SETD1B: variants seen among roughly 807,000 people sequenced by gnomAD.
SETD1B encodes SET domain containing 1B, histone lysine methyltransferase.
In SETD1B, 7 loss-of-function variants were observed where a neutral mutation model predicts 148.0. The observed-to-expected ratio is 0.05, with a 90% CI of 0.03 to 0.09. SETD1B has a LOEUF of 0.09. Ranked by LOEUF, SETD1B falls within the 10% of genes least tolerant of loss-of-function variation. The pLI is 1.00. For synonymous variants in SETD1B, 1,361 were observed against 1,186.5 expected (o/e 1.15, Z -3.02); for missense variants, 2,155 against 2,729.9 (o/e 0.79, Z 4.69).
Position 121,830,318 on chromosome 12 carries a change from C to T in SETD1B, c.*79C>T, listed in dbSNP as rs1457415391. On this transcript the variant is annotated 3_prime_UTR_variant, in exon 17 of 17. Transcript: ENST00000604567. This position sits in a 1 kb window ranked among gnomAD's most constrained non-coding sequence, Gnocchi z 5.7. ...TGGAGCCCCTGGCCCCGGGGCCCGG[C>T]CCCCCGCGCCCGCCCCCATTTCAGG... is the stretch of plus-strand genomic sequence containing the variant. 3.1e-5 allele frequency: 42 copies of T among 1,356,728 alleles called. No homozygotes were observed. Among genetic ancestry groups the T allele is most frequent in the Non-Finnish European group, 4.2e-5 (42 of 1,007,070 alleles). 84.0% of individuals were successfully genotyped at this position (1,356,728 alleles called of 1,614,324 possible).
chr12:121,811,587 C>G (rs1426636047), intron 6 of SETD1B, among the ~76,000 whole-genome samples: 1 of 152,126 alleles, frequency 6.6e-6, no homozygotes, highest in Non-Finnish European at 1.5e-5. Context: ...GCCAGGTTCC[C>G]CTGGGAGGGT....
chr12:121,823,058 G>A lies in SETD1B; in HGVS notation c.4479G>A (p.Gln1493=). The A allele has an allele frequency of 6.6e-7, 1 of 1,516,192 alleles. No homozygotes were observed. The allele number at this position is 1,516,192 out of a possible 1,614,324, so 93.9% of individuals were successfully genotyped here. The change falls in exon 12 of 17, where the codon CAG becomes CAA. Residue 1493 remains glutamine (Q), a synonymous_variant. Transcript: ENST00000604567. ...CATTGCCCGCCGTCTTGCGGGCCCA[G>A]GCTCGTGCGCCCACCCCGCTGCCAC... is the stretch of plus-strand genomic sequence containing the variant. ...PLALPAVLRA[Q]ARAPTPLPPL... is the part of the protein sequence containing the mutation.
At chr12:121,803,796 ATAAAT>A (rs1294297813), upstream of SETD1B, 7 of 151,506 alleles carry the variant, frequency 4.6e-5, no homozygotes, top group African/African-American at 1.7e-4. The surrounding 1 kb of genome is among the most constrained non-coding windows in gnomAD (Gnocchi z 4.7). Flanking sequence ...AGAAAAATAA[ATAAAT>A]TAAAAGGCCT....
At chr12:121,792,581 C>A in the SETD1B span, among the ~76,000 whole-genome samples, 1 of 152,246 alleles carries the variant, frequency 6.6e-6, no homozygotes. Flanking sequence ...GTAATTGTAG[C>A]CACGCAATTC....
At position 121,831,133 on chromosome 12, in the gene SETD1B, C is replaced by T. The variant is rs1422332031; in HGVS notation, c.*894C>T. 6.6e-6 allele frequency: 1 copy of T among 152,214 alleles called. No homozygotes were observed. The highest frequency in any genetic ancestry group is 1.9e-4 in the East Asian group (1 of 5,196). 9.4% of individuals were successfully genotyped at this position (152,214 alleles called of 1,614,324 possible). A position where few individuals can be genotyped will look rare whatever the true frequency, so the allele number is the denominator to read the frequency against. On this transcript the variant is annotated 3_prime_UTR_variant, in exon 17 of 17. Coordinates refer to ENST00000604567, the MANE Select transcript of SETD1B (RefSeq NM_001353345.2). ...GGCAGCCACTCTCTTCTGCCCTTGC[C>T]TTCGCCCTGGGTGGGACAGGGCTCC...
At position 121,830,311 on chromosome 12, in the gene SETD1B, GGCCCGGCCCCCCGC is replaced by G; in HGVS notation, c.*78_*91del. On this transcript the variant is annotated 3_prime_UTR_variant, in exon 17 of 17. Transcript: ENST00000604567. This position sits in a 1 kb window ranked among gnomAD's most constrained non-coding sequence, Gnocchi z 5.7. ...CCGAGCGTGGAGCCCCTGGCCCCGGGGCCCGGCCCCCCGCGCCCGCCCCCATTTCAGGTGCTGTC... is the reference window on the plus strand; with the variant it reads ...CCGAGCGTGGAGCCCCTGGCCCCGGGGCCCGCCCCCATTTCAGGTGCTGTC... 1 of 1,452,892 alleles carries G rather than the reference GGCCCGGCCCCCCGC, an allele frequency of 6.9e-7. No individual in the cohort carries two copies. The highest frequency in any genetic ancestry group is 1.3e-5 in the South Asian group (1 of 76,948). 90.0% of individuals were successfully genotyped at this position (1,452,892 alleles called of 1,614,324 possible). A position where few individuals can be genotyped will look rare whatever the true frequency, so the allele number is the denominator to read the frequency against.
Position 121,830,395 on chromosome 12 carries a change from C to G in SETD1B, c.*156C>G. 1.6e-6 allele frequency: 1 copy of G among 639,846 alleles called. No individual in the cohort carries two copies. Among genetic ancestry groups the G allele is most frequent in the East Asian group, 2.9e-5 (1 of 34,888 alleles). 39.6% of individuals were successfully genotyped at this position (639,846 alleles called of 1,614,324 possible). ...AGGGCCTGGCGCCCCACACTACCCC[C>G]TGGAGCCCCTGGCTCCGGCCCCTCC... is the stretch of plus-strand genomic sequence containing the variant. On this transcript the variant is annotated 3_prime_UTR_variant, in exon 17 of 17. Transcript: ENST00000604567. The surrounding 1 kb of genome is among the most constrained non-coding windows in gnomAD (Gnocchi z 5.7).
chr12:121,804,612 G>A lies in SETD1B; in HGVS notation c.-14-112G>A. 1.1e-6 allele frequency: 1 copy of A among 871,300 alleles called. No individual in the cohort carries two copies. The highest frequency in any genetic ancestry group is 1.7e-6 in the Non-Finnish European group (1 of 576,914). The allele number at this position is 871,300 out of a possible 1,614,324, so 54.0% of individuals were successfully genotyped here. A position where few individuals can be genotyped will look rare whatever the true frequency, so the allele number is the denominator to read the frequency against. ...AGCGAGACAGCTCCTTTCGGGGCGC[G>A]CTGGCAAGGTGGGAGGGGGTGGGGG... On this transcript the variant is annotated intron_variant, in intron 1 of 16. Coordinates refer to ENST00000604567, the MANE Select transcript of SETD1B (RefSeq NM_001353345.2). The surrounding 1 kb of genome is among the most constrained non-coding windows in gnomAD (Gnocchi z 4.6).
At position 121,805,867 on chromosome 12, in the gene SETD1B, G is replaced by A. The variant is rs1265210833; in HGVS notation, c.306G>A (p.Pro102=). ...AGTTCTACGTGGGCCCGGTGCCTCC[G>A]AAGCAGGTGACATTTGCCAAGCTGA... ...IDEFYVGPVP[P]KQVTFAKLND... Residue 102 remains proline (P), a synonymous_variant, in exon 4 of 17, where the codon CCG becomes CCA. Coordinates refer to ENST00000604567, the MANE Select transcript of SETD1B (RefSeq NM_001353345.2). This position sits in a 1 kb window ranked among gnomAD's most constrained non-coding sequence, Gnocchi z 4.2. The A allele has an allele frequency of 7.7e-6, 12 of 1,551,536 alleles. No individual in the cohort carries two copies. The South Asian group carries it at 1.2e-4, about 15-fold the overall frequency.
At chr12:121,827,166 C>T (rs900142829) in intron 13 of SETD1B, among the ~76,000 whole-genome samples, 1 of 151,982 alleles carries the variant, frequency 6.6e-6, no homozygotes, top group Middle Eastern at 3.4e-3. Context: ...AAGAGCAGGA[C>T]GTGACACAAG....
In SETD1B at chr12:121,825,190, C is replaced by T. The variant is rs190487064; in HGVS notation, c.5171-10C>T. On this transcript the variant is annotated splice_polypyrimidine_tract_variant and intron_variant, in intron 12 of 16. Transcript: ENST00000604567. Reference sequence around the variant, plus strand: ...TCAGAATGTCCATGTGGCCCTTGACCCACACCCACCCACCAGCCTCTCTTC... The same window carrying T: ...TCAGAATGTCCATGTGGCCCTTGACTCACACCCACCCACCAGCCTCTCTTC... 3.2e-4 allele frequency: 494 copies of T among 1,551,000 alleles called. 2 individuals are homozygous for T. In the African/African-American group the frequency reaches 5.7e-3, roughly 18 times the overall value.
Position 121,810,365 on chromosome 12 carries a change from C to A in SETD1B, c.1420C>A (p.Pro474Thr). ...CGGCCGGCCCACCTTCGGCTGGAGT[C>A]CTGAGCCCTGTGACAGCCCTGGCAC... ...LGGRPTFGWS[P>T]EPCDSPGTPT... Residue 474 changes from proline (P) to threonine (T), a missense_variant, in exon 6 of 17, where the codon CCT becomes ACT. Physicochemically the swap from Pro to Thr is conservative, Grantham distance 38 (BLOSUM62 -1). Around this residue, in one of 11 missense-constraint regions of SETD1B, gnomAD observed 376 missense variants for 385.0 expected, o/e 0.98. Transcript: ENST00000604567. The surrounding 1 kb of genome is among the most constrained non-coding windows in gnomAD (Gnocchi z 7.6). 2 of 1,547,694 alleles carry A rather than the reference C, an allele frequency of 1.3e-6. No homozygotes were observed. Among genetic ancestry groups the A allele is most frequent in the Non-Finnish European group, 1.7e-6 (2 of 1,146,848 alleles).
chr12:121,829,453 A>G (rs568079361), intron 16 of SETD1B, among the ~76,000 whole-genome samples: 1 of 152,320 alleles, frequency 6.6e-6, no homozygotes, highest in Admixed American at 6.5e-5. Flanking sequence ...TGTGTGGTGC[A>G]GCGGCTGCCC....
rs1367008015 is a variant in SETD1B, at chr12:121,819,882, T to A, written c.3897T>A (p.Pro1299=). ...KEVEARPPLS[P]ERAPEHDLEV... ...TGGAGGCTCGACCCCCATTGTCCCC[T>A]GAGCGAGCTCCAGGTAACACCTGCA... The change falls in exon 11 of 17, where the codon CCT becomes CCA. Residue 1299 remains proline (P), a synonymous_variant. Coordinates refer to ENST00000604567, the MANE Select transcript of SETD1B (RefSeq NM_001353345.2). The A allele has an allele frequency of 6.4e-7, 1 of 1,550,404 alleles. No homozygotes were observed. The highest frequency in any genetic ancestry group is 1.2e-5 in the South Asian group (1 of 84,040).
Position 121,809,873 on chromosome 12 carries a change from G to T in SETD1B, c.928G>T (p.Ala310Ser), listed in dbSNP as rs1254890966. The change falls in exon 6 of 17, where the codon GCC becomes TCC. Residue 310 changes from alanine (A) to serine (S), a missense_variant. Ala to Ser is a moderately conservative substitution (Grantham distance 99). Coordinates refer to ENST00000604567, the MANE Select transcript of SETD1B (RefSeq NM_001353345.2). ...CCAGGACCCTGCAGTGACCTTCAAG[G>T]CCCGGCGCCACGAGAGCAAGTTCAC... Reference protein sequence around the residue: ...FSQDPAVTFKARRHESKFTDA... With the variant: ...FSQDPAVTFKSRRHESKFTDA... 1 of 1,551,184 alleles carries T rather than the reference G, an allele frequency of 6.4e-7. No individual in the cohort carries two copies.
chr12:121,820,312 G>C (rs926145782), intron 11 of SETD1B, among the ~76,000 whole-genome samples: 1 of 152,226 alleles, frequency 6.6e-6, no homozygotes, highest in Admixed American at 6.5e-5. Context: ...CTGCTGCACA[G>C]AGCATATGAG....
At chr12:121,795,489 C>G in the SETD1B span, 1 of 152,226 alleles carries the variant, frequency 6.6e-6, no homozygotes, top group Admixed American at 6.5e-5. Flanking sequence ...AAAACCTCTT[C>G]AGGTTCTGGG....
chr12:121,827,384 A>T, intron 13 of SETD1B, 135 bp from the exon 14 acceptor site: 1 of 1,116,352 alleles, frequency 9.0e-7, no homozygotes, highest in Non-Finnish European at 1.2e-6. Context: ...AGCGGTGACA[A>T]TTAGGGACCG....
rs1876458257 is a variant in SETD1B at position 121,819,429 on chromosome 12, C to G, written c.3444C>G (p.Ser1148=). The G allele has an allele frequency of 5.8e-6, 9 of 1,552,042 alleles. No individual in the cohort carries two copies. In the East Asian group the frequency reaches 2.2e-4, roughly 38 times the overall value. ...DEEETVSIVT[S]KAEATSSSES... ...AGGAGACAGTGAGCATTGTAACCTC[C>G]AAGGCCGAAGCCACGTCGTCCAGTG... Residue 1148 remains serine (S), a synonymous_variant, in exon 11 of 17, where the codon TCC becomes TCG. Transcript: ENST00000604567.
Sources: allele counts gnomAD v4.1 joint callset (sites outside exome capture counted in the v4.1 genomes callset), GRCh38; gene constraint gnomAD v4.1.1; regional missense constraint gnomAD v4.1.1; non-coding constraint Gnocchi (gnomAD v3.1); transcripts MANE v1.5; gene names NCBI Gene and HGNC (gene_info 2026-07-23, HGNC 2026-07-21).